Variants in DOCK9 observed in about 807,000 individuals in gnomAD.
DOCK9 encodes dedicator of cytokinesis protein 9.
A neutral mutation model predicts 263.3 loss-of-function variants in DOCK9; 89 were observed. The observed-to-expected ratio is 0.34, with a 90% CI of 0.28 to 0.40. The LOEUF is 0.40. Ranked by LOEUF, DOCK9 falls within the 10% of genes least tolerant of loss-of-function variation. The pLI is 1.00. For synonymous variants in DOCK9, 976 were observed against 973.1 expected, an observed-to-expected ratio of 1.00 and a Z score of -0.06; for missense variants, 2,140 against 2,603.4, an observed-to-expected ratio of 0.82 and a Z score of 3.87.
At chr13:99,012,169 C>T (rs1043718295) in intron 1 of DOCK9, among the ~76,000 whole-genome samples, 25 of 152,156 alleles carry the variant, frequency 1.6e-4, no homozygotes, top group Admixed American at 1.6e-3. Context: ...ATTCCAATAG[C>T]AAGTAAGCAA....
intron 7 of DOCK9, among the ~76,000 whole-genome samples, chr13:98,919,066 A>G (rs886781179): frequency 5.9e-5 from 9 of 152,038 alleles, no homozygotes; most frequent in Non-Finnish European, 1.3e-4. Flanking sequence ...TGAGTGGGTA[A>G]GGTGATGCAG....
chr13:99,000,530 G>A (rs1421525728), intron 1 of DOCK9, among the ~76,000 whole-genome samples: 1 of 152,066 alleles, frequency 6.6e-6, no homozygotes, highest in African/African-American at 2.4e-5. Flanking sequence ...GCCCTCCACA[G>A]TTAAACATTT....
chr13:99,073,385 C>CCTCTCTCTCTCTCTCCT (rs2041774489), intron 1 of DOCK9, among the ~76,000 whole-genome samples: 1 of 149,788 alleles, frequency 6.7e-6, no homozygotes, highest in Non-Finnish European at 1.5e-5. Flanking sequence ...CTCTCTCTCT[C>CCTCTCTCTCTCTCTCCT]CTCTCTCTCT....
intron 1 of DOCK9, among the ~76,000 whole-genome samples, chr13:99,036,264 A>C (rs1887867565): frequency 6.6e-6 from 1 of 152,120 alleles, no homozygotes; most frequent in Non-Finnish European, 1.5e-5. Flanking sequence ...TAATCCCAAC[A>C]TGATGGTATT....
At chr13:98,836,537 A>G (rs532735504) in intron 39 of DOCK9, among the ~76,000 whole-genome samples, 1 of 152,186 alleles carries the variant, frequency 6.6e-6, no homozygotes, top group African/African-American at 2.4e-5. Flanking sequence ...GCTGGCCCGG[A>G]TACCACACTC....
intron 4 of DOCK9, among the ~76,000 whole-genome samples, chr13:98,924,008 C>T (rs759442133): frequency 6.6e-6 from 1 of 152,150 alleles, no homozygotes; most frequent in Non-Finnish European, 1.5e-5. Context: ...TGGAAATTCT[C>T]ATTAATGCCA....
Position 98,828,306 on chromosome 13 carries a change from G to A in DOCK9, c.4965+1001C>T, listed in dbSNP as rs538706046. The stretch of plus-strand genomic sequence containing the variant: ...AGCCATGTAAAACTAATTCACAGAG[G>A]AACAGCTGAAGCTTAGTAAGTTCTT... On this transcript the variant is annotated intron_variant, in intron 43 of 52. Coordinates refer to ENST00000682017, the MANE Select transcript of DOCK9 (RefSeq NM_001366683.2). Among the ~76,000 whole-genome samples, 4 of 152,342 alleles carry A rather than the reference G, an allele frequency of 2.6e-5. No individual in the cohort carries two copies. The East Asian group carries it at 7.7e-4, about 29-fold the overall frequency.
intron 43 of DOCK9, among the ~76,000 whole-genome samples, chr13:98,827,169 C>T (rs932521725): frequency 1.3e-5 from 2 of 152,136 alleles, no homozygotes; most frequent in African/African-American, 4.8e-5. Flanking sequence ...ATAAAAGCAG[C>T]ATTTTCCTCT....
chr13:98,944,212 G>A (rs1397428313), intron 2 of DOCK9, among the ~76,000 whole-genome samples: 1 of 152,066 alleles, frequency 6.6e-6, no homozygotes, highest in Non-Finnish European at 1.5e-5. Context: ...CTTCATTCAG[G>A]ATAAGAGAAT....
intron 1 of DOCK9, among the ~76,000 whole-genome samples, chr13:98,960,292 G>T (rs964631403): frequency 2.0e-5 from 3 of 152,142 alleles, no homozygotes; most frequent in African/African-American, 4.8e-5. Flanking sequence ...GAAACCCTGA[G>T]AATTCATGAG....
chr13:99,018,802 A>G (rs1196671257), intron 1 of DOCK9, among the ~76,000 whole-genome samples: 3 of 152,218 alleles, frequency 2.0e-5, no homozygotes, highest in Non-Finnish European at 4.4e-5. Flanking sequence ...TAGCCACCTA[A>G]AAGAGTATAT....
chr13:98,986,272 T>C (rs959829455), intron 1 of DOCK9, among the ~76,000 whole-genome samples: 5 of 152,206 alleles, frequency 3.3e-5, no homozygotes, highest in African/African-American at 1.2e-4. Context: ...TGGTGGACCA[T>C]CTCAATTTAT....
chr13:99,035,310 C>A (rs1887759084), intron 1 of DOCK9, among the ~76,000 whole-genome samples: 1 of 152,136 alleles, frequency 6.6e-6, no homozygotes, highest in African/African-American at 2.4e-5. Flanking sequence ...CTGATGAATA[C>A]CTCCCTCACC....
chr13:98,931,256 T>G (rs1413497997), intron 2 of DOCK9, among the ~76,000 whole-genome samples: 2 of 152,050 alleles, frequency 1.3e-5, no homozygotes, highest in Non-Finnish European at 2.9e-5. Context: ...ATAACTAGGC[T>G]TAAGGTTTCC....
At chr13:99,078,365 A>G (rs949616102) in intron 1 of DOCK9, among the ~76,000 whole-genome samples, 5 of 152,322 alleles carry the variant, frequency 3.3e-5, no homozygotes, top group African/African-American at 1.2e-4. Context: ...CAACAAAAAG[A>G]GTGAAGAAGA....
At chr13:99,017,181 A>G (rs985596194) in intron 1 of DOCK9, among the ~76,000 whole-genome samples, 2 of 152,216 alleles carry the variant, frequency 1.3e-5, no homozygotes, top group African/African-American at 4.8e-5. Flanking sequence ...GTGAAAACAG[A>G]GCTATAGGGT....
At chr13:99,034,801 T>C (rs1053337205) in intron 1 of DOCK9, among the ~76,000 whole-genome samples, 11 of 152,096 alleles carry the variant, frequency 7.2e-5, no homozygotes, top group South Asian at 2.1e-4. Context: ...TAAGGAACAG[T>C]GAAGGAACTG....
At chr13:98,811,799 C>G (rs2091320326) in intron 45 of DOCK9, among the ~76,000 whole-genome samples, 1 of 152,180 alleles carries the variant, frequency 6.6e-6, no homozygotes, top group Non-Finnish European at 1.5e-5. Flanking sequence ...CTGGATTATG[C>G]TTTATATGTT....
intron 1 of DOCK9, among the ~76,000 whole-genome samples, chr13:99,045,416 ATAC>A (rs1888877301): frequency 6.6e-6 from 1 of 152,224 alleles, no homozygotes; most frequent in Non-Finnish European, 1.5e-5. Flanking sequence ...AGAAAGGCTA[ATAC>A]TACATGACCT....
Sources: gnomAD v4.1 joint callset for allele counts (sites outside exome capture counted in the v4.1 genomes callset) on GRCh38, gnomAD v4.1.1 for gene constraint, MANE v1.5 for transcripts, NCBI Gene and HGNC (gene_info 2026-07-23, HGNC 2026-07-21) for gene names.